Variants in SPEG observed in about 807,000 individuals in gnomAD.
SPEG encodes the protein striated muscle preferentially expressed protein kinase.
In SPEG, 114 loss-of-function variants were observed where a neutral mutation model predicts 300.4. The observed-to-expected ratio is 0.38, with a 90% confidence interval of 0.33 to 0.44. The LOEUF is 0.44. Ranked by LOEUF, SPEG falls within the 20% of genes least tolerant of loss-of-function variation. The pLI is 1.00. For synonymous variants in SPEG, 1,964 were observed against 2,018.9 expected, an observed-to-expected ratio of 0.97 and a Z score of 0.73; for missense variants, 4,201 against 4,586.2, an observed-to-expected ratio of 0.92 and a Z score of 2.43.
rs1045237878 is a variant in SPEG at position 219,490,733 on chromosome 2, G to C, written c.9162G>C (p.Arg3054Ser). ...ATCTGCTCCATCCCTGCCCTCCCAG[G>C]TTCCGGTATTCTGAGGATGACGTGG... The part of the protein sequence containing the change: ...NRELLCGLSD[R>S]FRYSEDDVAT... The change falls in exon 38 of 41, where the codon AGG becomes AGC. Residue 3054 changes from arginine (R) to serine (S), a missense_variant and splice_region_variant. Physicochemically the swap from Arg to Ser is moderately radical, Grantham distance 110. Around this residue, in one of 4 missense-constraint regions of SPEG, gnomAD observed 318 missense variants for 429.5 expected, o/e 0.74. Coordinates refer to ENST00000312358, the MANE Select transcript of SPEG (RefSeq NM_005876.5). The C allele has an allele frequency of 6.2e-7, 1 of 1,613,992 alleles. No individual in the cohort carries two copies. The highest frequency in any genetic ancestry group is 8.5e-7 in the Non-Finnish European group (1 of 1,179,932).
Position 219,455,240 on chromosome 2 carries a change from G to A in SPEG, c.2440+3433G>A, listed in dbSNP as rs147749294. On this transcript the variant is annotated intron_variant, in intron 6 of 40. Transcript: ENST00000312358. Reference sequence around the variant, plus strand: ...GGTTCTATTATTATGCCTATGTTACGAATGAGGAAACTGAGACTTGGAAAA... The same window carrying A: ...GGTTCTATTATTATGCCTATGTTACAAATGAGGAAACTGAGACTTGGAAAA... Among the ~76,000 whole-genome samples, 920 of 152,210 alleles carry A rather than the reference G, an allele frequency of 6.0e-3. 11 individuals are homozygous for A. The highest frequency in any genetic ancestry group is 0.021 in the African/African-American group (881 of 41,504).
In SPEG at chr2:219,473,759, G is replaced by A. The variant is rs370227187; in HGVS notation, c.4303G>A (p.Gly1435Ser). The A allele has an allele frequency of 1.7e-5, 27 of 1,613,836 alleles. No homozygotes were observed. The highest frequency in any genetic ancestry group is 4.0e-5 in the African/African-American group (3 of 74,934). ...CRGALLEARA[G>S]VYELSQPDDD... is the part of the protein sequence containing the mutation. Reference sequence around the variant, plus strand: ...AGGGGCCCTCCTAGAGGCACGGGCCGGTGTGTACGAGCTGAGCCAGCCAGA... The same window carrying A: ...AGGGGCCCTCCTAGAGGCACGGGCCAGTGTGTACGAGCTGAGCCAGCCAGA... The change falls in exon 18 of 41, where the codon GGT becomes AGT. Residue 1435 changes from glycine to serine, a missense_variant. Gly to Ser is a moderately conservative substitution (Grantham distance 56). This residue lies in a region of SPEG where 1,047 missense variants were observed against 1,356.8 expected (regional missense o/e 0.77). Coordinates refer to ENST00000312358, the MANE Select transcript of SPEG (RefSeq NM_005876.5). This position sits in a 1 kb window ranked among gnomAD's most constrained non-coding sequence, Gnocchi z 4.6.
In SPEG at chr2:219,448,042, C is replaced by T. The variant is rs1287101030; in HGVS notation, c.884C>T (p.Pro295Leu). ...DLQPQLASEA[P>L]RRPAQPPPSK... The stretch of plus-strand genomic sequence containing the variant: ...CAGCCTCAACTGGCCAGCGAAGCCC[C>T]ACGCCGCCCTGCCCAGCCGCCTCCT... The change falls in exon 4 of 41, where the codon CCA (proline) becomes CTA (leucine). Residue 295 changes from proline (P) to leucine (L), a missense_variant. Physicochemically the swap from Pro to Leu is moderately conservative, Grantham distance 98. Around this residue, in one of 4 missense-constraint regions of SPEG, gnomAD observed 1,258 missense variants for 1,293.9 expected, o/e 0.97. Transcript: ENST00000312358. 7 of 1,611,992 alleles carry T rather than the reference C, an allele frequency of 4.3e-6. No homozygotes were observed. Among genetic ancestry groups the T allele is most frequent in the Non-Finnish European group, 5.9e-6 (7 of 1,179,792 alleles).
chr2:219,449,832 C>T (rs987257700), intron 4 of SPEG, among the ~76,000 whole-genome samples: 5 of 152,154 alleles, frequency 3.3e-5, no homozygotes, highest in East Asian at 1.9e-4. Context: ...CTCAGGCTTA[C>T]ACCCCGCATG....
rs954109052 is a variant in SPEG at position 219,445,709 on chromosome 2, A to G, written c.815+548A>G. On this transcript the variant is annotated intron_variant, in intron 3 of 40. Transcript: ENST00000312358. This position sits in a 1 kb window ranked among gnomAD's most constrained non-coding sequence, Gnocchi z 6.1. ...TGAGGTGGCCAGGGGCAGATGGGGC[A>G]AGGGGCCTGTGAAAGCAGGAGGCCA... 1.3e-5 allele frequency: 2 copies of G among 157,292 alleles called. No homozygotes were observed. The highest frequency in any genetic ancestry group is 4.9e-5 in the African/African-American group (2 of 41,094). The allele number at this position is 157,292 out of a possible 1,614,324, so 9.7% of individuals were successfully genotyped here.
At chr2:219,456,632 G>A (rs1014505455) in intron 6 of SPEG, among the ~76,000 whole-genome samples, 5 of 152,160 alleles carry the variant, frequency 3.3e-5, no homozygotes, top group African/African-American at 4.8e-5. Context: ...CATCATGACC[G>A]GGTGCGGTGG....
intron 10 of SPEG, 45 bp downstream of exon 10, chr2:219,467,479 C>A: frequency 6.4e-7 from 1 of 1,566,278 alleles, no homozygotes; most frequent in South Asian, 1.2e-5. Context: ...TGCCCAAGAG[C>A]TGGAGGGAGG....
intron 36 of SPEG, 48 bp from the exon 37 acceptor site, chr2:219,490,360 TC>T (rs1693849772): frequency 6.3e-7 from 1 of 1,580,024 alleles, no homozygotes; most frequent in African/African-American, 1.3e-5. Flanking sequence ...TATGGAAGTG[TC>T]CCCCTCCTCT....
In SPEG at chr2:219,489,323, C is replaced by G; in HGVS notation, c.8318-13C>G. Reference sequence around the variant, plus strand: ...CCCAAGGCACCACGGTGATGATTTTCTCTCTCTCTTAGATTCTTCAGCTGT... The same window carrying G: ...CCCAAGGCACCACGGTGATGATTTTGTCTCTCTCTTAGATTCTTCAGCTGT... On this transcript the variant is annotated splice_polypyrimidine_tract_variant and intron_variant, in intron 35 of 40. Transcript: ENST00000312358. The G allele has an allele frequency of 6.2e-7, 1 of 1,613,462 alleles. No individual in the cohort carries two copies. Among genetic ancestry groups the G allele is most frequent in the Non-Finnish European group, 8.5e-7 (1 of 1,179,794 alleles).
At position 219,488,179 on chromosome 2, in the gene SPEG, C is replaced by T. The variant is rs1333446410; in HGVS notation, c.7742-15C>T. ...GGTCCCTACAGATAGATGGCTGTCT[C>T]TGCTTTTCCTCCAGACTTCCCCCCA... On this transcript the variant is annotated splice_polypyrimidine_tract_variant and intron_variant, in intron 31 of 40. Coordinates refer to ENST00000312358, the MANE Select transcript of SPEG (RefSeq NM_005876.5). The T allele has an allele frequency of 6.3e-7, 1 of 1,592,314 alleles. No individual in the cohort carries two copies. Among genetic ancestry groups the T allele is most frequent in the Non-Finnish European group, 8.6e-7 (1 of 1,161,870 alleles).
chr2:219,483,193 A>G lies in SPEG; in HGVS notation c.5730A>G (p.Arg1910=). 1 of 1,610,042 alleles carries G rather than the reference A, an allele frequency of 6.2e-7. No homozygotes were observed. Among genetic ancestry groups the G allele is most frequent in the Non-Finnish European group, 8.5e-7 (1 of 1,179,090 alleles). The change falls in exon 30 of 41, where the codon AGA becomes AGG. Residue 1910 remains arginine (R), a synonymous_variant. Coordinates refer to ENST00000312358, the MANE Select transcript of SPEG (RefSeq NM_005876.5). ...PPERVWVTMP[R]RPPPSGGLSS... is the part of the protein sequence containing the mutation. ...AGCGGGTGTGGGTGACCATGCCCAG[A>G]AGGCCACCCCCCAGTGGGGGGCTCT...
Position 219,492,163 on chromosome 2 carries a change from C to T in SPEG, c.9514C>T (p.Arg3172Trp), listed in dbSNP as rs762081593. ...GCCAGACCCCCAGGAAACGGAGGCT[C>T]GGATTGTGGGGGGCCGCTTTGATGC... ...YEPDPQETEARIVGGRFDAFQ... is the reference protein window; with the variant it reads ...YEPDPQETEAWIVGGRFDAFQ... Residue 3172 changes from arginine (R) to tryptophan (W), a missense_variant, in exon 40 of 41, where the codon CGG becomes TGG. Arg to Trp is a moderately radical substitution (Grantham distance 101). This residue lies in a region of SPEG where 318 missense variants were observed against 429.5 expected (regional missense o/e 0.74). Coordinates refer to ENST00000312358, the MANE Select transcript of SPEG (RefSeq NM_005876.5). The T allele has an allele frequency of 1.9e-6, 3 of 1,613,768 alleles. No individual in the cohort carries two copies. The highest frequency in any genetic ancestry group is 2.5e-6 in the Non-Finnish European group (3 of 1,179,918).
intron 31 of SPEG, 29 bp from the exon 32 acceptor site, chr2:219,488,165 A>T (rs1209531510): frequency 1.3e-6 from 2 of 1,528,914 alleles, no homozygotes; most frequent in African/African-American, 1.4e-5. Flanking sequence ...GTCCCTACAG[A>T]TAGATGGCTG....
intron 6 of SPEG, chr2:219,461,613 G>A (rs530929514): frequency 1.1e-4 from 118 of 1,035,248 alleles, no homozygotes; most frequent in Admixed American, 4.0e-4. Flanking sequence ...TCTGCTGCCC[G>A]AACCCTTTGC....
chr2:219,473,218 C>G lies in SPEG; in HGVS notation c.4147+122C>G. On this transcript the variant is annotated intron_variant, in intron 16 of 40. Transcript: ENST00000312358. The surrounding 1 kb of genome is among the most constrained non-coding windows in gnomAD (Gnocchi z 4.6). ...AACTGGCAGGAGCAGCCTAGCCGGG[C>G]GGGACCTTGGCCCATCTGTACACTT... The G allele has an allele frequency of 9.9e-7, 1 of 1,006,450 alleles. No individual in the cohort carries two copies. Among genetic ancestry groups the G allele is most frequent in the East Asian group, 2.6e-5 (1 of 38,272 alleles). The allele number at this position is 1,006,450 out of a possible 1,614,324, so 62.3% of individuals were successfully genotyped here. A position where few individuals can be genotyped will look rare whatever the true frequency, so the allele number is the denominator to read the frequency against.
chr2:219,462,526 C>A (rs1418641761), intron 8 of SPEG, 140 bp downstream of exon 8: 1 of 663,390 alleles, frequency 1.5e-6, no homozygotes, highest in Non-Finnish European at 2.6e-6. Context: ...TCAGGGACAG[C>A]AGTGTACTCC....
Position 219,448,712 on chromosome 2 carries a change from C to T in SPEG, c.1554C>T (p.Arg518=), listed in dbSNP as rs541579349. The change falls in exon 4 of 41, where the codon CGC becomes CGT. Residue 518 remains arginine (R), a synonymous_variant. Transcript: ENST00000312358. ...TGGTGCGCTCGCACGAGTCCCTGCG[C>T]GCCACGCTGCAGCGTGCCCCATCCC... ...EELVRSHESL[R]ATLQRAPSPR... 2.3e-5 allele frequency: 34 copies of T among 1,492,832 alleles called. No homozygotes were observed. Among genetic ancestry groups the T allele is most frequent in the African/African-American group, 2.2e-4 (15 of 68,578 alleles). The allele number at this position is 1,492,832 out of a possible 1,614,324, so 92.5% of individuals were successfully genotyped here.
At position 219,473,111 on chromosome 2, in the gene SPEG, T is replaced by G. The variant is rs775223570; in HGVS notation, c.4147+15T>G. On this transcript the variant is annotated intron_variant, in intron 16 of 40. Coordinates refer to ENST00000312358, the MANE Select transcript of SPEG (RefSeq NM_005876.5). The surrounding 1 kb of genome is among the most constrained non-coding windows in gnomAD (Gnocchi z 4.6). ...GCTGGAGCACGGTGAGCCTGGGTGC[T>G]CCTGTCGGGTGGGGGTGGGAGCTGC... 2.5e-6 allele frequency: 4 copies of G among 1,610,732 alleles called. No individual in the cohort carries two copies. Among genetic ancestry groups the G allele is most frequent in the Non-Finnish European group, 3.4e-6 (4 of 1,178,562 alleles).
Position 219,484,950 on chromosome 2 carries a change from C to A in SPEG, c.7487C>A (p.Ser2496Tyr). 1 of 1,529,622 alleles carries A rather than the reference C, an allele frequency of 6.5e-7. No homozygotes were observed. Among genetic ancestry groups the A allele is most frequent in the Non-Finnish European group, 8.7e-7 (1 of 1,144,404 alleles). 94.8% of individuals were successfully genotyped at this position (1,529,622 alleles called of 1,614,324 possible). Reference protein sequence around the residue: ...PLFGRLRRATSEGESLRRLGL... With the variant: ...PLFGRLRRATYEGESLRRLGL... Reference sequence around the variant, plus strand: ...TTCGGACGGCTTCGCAGGGCCACGTCCGAGGGCGAGAGTCTGCGGCGCCTT... The same window carrying A: ...TTCGGACGGCTTCGCAGGGCCACGTACGAGGGCGAGAGTCTGCGGCGCCTT... The change falls in exon 30 of 41, where the codon TCC (serine) becomes TAC (tyrosine). Residue 2496 changes from serine to tyrosine, a missense_variant. Transcript: ENST00000312358.
Sources: allele counts gnomAD v4.1 joint callset (sites outside exome capture counted in the v4.1 genomes callset), GRCh38; gene constraint gnomAD v4.1.1; regional missense constraint gnomAD v4.1.1; non-coding constraint Gnocchi (gnomAD v3.1); transcripts MANE v1.5; gene names NCBI Gene and HGNC (gene_info 2026-07-23, HGNC 2026-07-21).